The following ABTB3 variants were observed in gnomAD, a reference collection of about 807,000 sequenced individuals.
The protein encoded by ABTB3 is ankyrin repeat and BTB domain containing 3.
chr12:107,581,881 T>A, the ABTB3 span, among the ~76,000 whole-genome samples: 1 of 152,086 alleles, frequency 6.6e-6, no homozygotes. Context: ...TGGCTTTAAA[T>A]GCAAAAAAAC....
the ABTB3 span, among the ~76,000 whole-genome samples, chr12:107,501,150 T>C: frequency 6.6e-6 from 1 of 152,224 alleles, no homozygotes; most frequent in Non-Finnish European, 1.5e-5. Flanking sequence ...GAATGGTTAA[T>C]GCATGTAAAG....
At chr12:107,471,428 C>T in the ABTB3 span, among the ~76,000 whole-genome samples, 1 of 152,120 alleles carries the variant, frequency 6.6e-6, no homozygotes, top group Non-Finnish European at 1.5e-5. Context: ...GAAGTACAGG[C>T]TCCCATTGCA....
chr12:107,645,895 G>A, the ABTB3 span, among the ~76,000 whole-genome samples: 114 of 152,308 alleles, frequency 7.5e-4, no homozygotes, highest in African/African-American at 2.5e-3. Flanking sequence ...GGACTTTTCC[G>A]TGTGCCCGCC....
At chr12:107,610,393 C>T in the ABTB3 span, 23 of 1,606,276 alleles carry the variant, frequency 1.4e-5, no homozygotes, top group Non-Finnish European at 2.0e-5. Flanking sequence ...TCCCCACCTC[C>T]TCCATGTGCA....
the ABTB3 span, among the ~76,000 whole-genome samples, chr12:107,442,213 A>G: frequency 6.6e-6 from 1 of 152,220 alleles, no homozygotes; most frequent in African/African-American, 2.4e-5. Flanking sequence ...AAATGTATAG[A>G]TGAGTGAGTG....
the ABTB3 span, among the ~76,000 whole-genome samples, chr12:107,518,203 C>T: frequency 1.4e-4 from 21 of 152,112 alleles, no homozygotes; most frequent in African/African-American, 3.9e-4. Context: ...GACAGTGTGG[C>T]GATTCCTCAG....
the ABTB3 span, among the ~76,000 whole-genome samples, chr12:107,379,532 G>A: frequency 1.3e-5 from 2 of 152,138 alleles, no homozygotes; most frequent in Admixed American, 6.5e-5. Context: ...GGCTTCCCTA[G>A]CCATGTGGAA....
chr12:107,547,921 T>C, the ABTB3 span, among the ~76,000 whole-genome samples: 2 of 152,198 alleles, frequency 1.3e-5, no homozygotes, highest in Admixed American at 1.3e-4. Context: ...ATTATACTTT[T>C]TGGGCTCTAA....
At chr12:107,398,275 A>G in the ABTB3 span, among the ~76,000 whole-genome samples, 1 of 152,160 alleles carries the variant, frequency 6.6e-6, no homozygotes, top group Non-Finnish European at 1.5e-5. Flanking sequence ...TGTTTCCTGA[A>G]GCCTGGTGTT....
At chr12:107,512,670 C>A in the ABTB3 span, among the ~76,000 whole-genome samples, 1 of 152,176 alleles carries the variant, frequency 6.6e-6, no homozygotes, top group South Asian at 2.1e-4. Context: ...AGATTGAGCT[C>A]TGGAATCAGA....
At chr12:107,346,533 T>C in the ABTB3 span, among the ~76,000 whole-genome samples, 2 of 152,176 alleles carry the variant, frequency 1.3e-5, no homozygotes, top group East Asian at 1.9e-4. Context: ...GATCTTGGCT[T>C]ACTGCAACCT....
chr12:107,637,786 T>G, the ABTB3 span, among the ~76,000 whole-genome samples: 2,432 of 144,726 alleles, frequency 0.017, 115 homozygotes, highest in African/African-American at 0.057. Flanking sequence ...AGCACTGATT[T>G]TGTGTGTGTG....
chr12:107,633,315 G>A, the ABTB3 span, among the ~76,000 whole-genome samples: 7 of 152,114 alleles, frequency 4.6e-5, no homozygotes, highest in East Asian at 1.9e-4. Flanking sequence ...CTGCGGGCAC[G>A]CTGATCTTAG....
chr12:107,614,609 G>C, the ABTB3 span, among the ~76,000 whole-genome samples: 4 of 152,214 alleles, frequency 2.6e-5, no homozygotes, highest in Admixed American at 2.0e-4. Flanking sequence ...AGGAAGAAGG[G>C]GACAGGCCAG....
the ABTB3 span, among the ~76,000 whole-genome samples, chr12:107,570,761 T>G: frequency 6.6e-6 from 1 of 152,210 alleles, no homozygotes; most frequent in Non-Finnish European, 1.5e-5. Flanking sequence ...CCTACCTGTC[T>G]GCTCCTCCCC....
At chr12:107,556,128 T>G in the ABTB3 span, among the ~76,000 whole-genome samples, 4 of 150,708 alleles carry the variant, frequency 2.7e-5, no homozygotes, top group African/African-American at 9.8e-5. Context: ...AGAGTTTCGC[T>G]CTTGTTGCCA....
chr12:107,594,386 AC>A, the ABTB3 span, among the ~76,000 whole-genome samples: 1 of 152,274 alleles, frequency 6.6e-6, no homozygotes, highest in African/African-American at 2.4e-5. Context: ...CACTTGTTTT[AC>A]CTTATCTAAG....
At chr12:107,509,626 G>T in the ABTB3 span, among the ~76,000 whole-genome samples, 1 of 152,210 alleles carries the variant, frequency 6.6e-6, no homozygotes. Flanking sequence ...GTCAGCCTGG[G>T]AGCTTCGGGG....
chr12:107,479,219 T>C, the ABTB3 span, among the ~76,000 whole-genome samples: 1 of 152,096 alleles, frequency 6.6e-6, no homozygotes, highest in African/African-American at 2.4e-5. Flanking sequence ...AAAGGCACAT[T>C]TGAGATCCCT....
Sources: allele counts gnomAD v4.1 joint callset (sites outside exome capture counted in the v4.1 genomes callset), GRCh38; gene constraint gnomAD v4.1.1; transcripts MANE v1.5; gene names NCBI Gene and HGNC (gene_info 2026-07-23, HGNC 2026-07-21).